The following COL24A1 variants were observed in gnomAD, a reference collection of about 807,000 sequenced individuals.
COL24A1 encodes the protein collagen alpha-1(XXIV) chain.
Under a neutral mutation model 253.9 loss-of-function variants are expected in COL24A1, and 224 were observed. The observed-to-expected ratio is 0.88, with a 90% confidence interval of 0.79 to 0.99. The LOEUF is 0.99. COL24A1 is among the 50% of genes least tolerant of loss of function. The pLI, the probability that COL24A1 is intolerant of heterozygous loss-of-function variation, is 0.00. For missense variants in COL24A1, 2,131 were observed against 2,068.5 expected (o/e 1.03, Z -0.59); for synonymous variants, 685 against 673.7 (o/e 1.02, Z -0.26).
At chr1:85,731,499 G>A (rs893679563) in intron 59 of COL24A1, among the ~76,000 whole-genome samples, 14 of 152,154 alleles carry the variant, frequency 9.2e-5, no homozygotes, top group African/African-American at 3.4e-4. Context: ...AAAGTCATAA[G>A]CTTGGTATGA....
At chr1:85,807,246 A>C (rs1672072192) in intron 47 of COL24A1, among the ~76,000 whole-genome samples, 1 of 152,244 alleles carries the variant, frequency 6.6e-6, no homozygotes, top group African/African-American at 2.4e-5. Context: ...TCAAAGGCCC[A>C]GGAAGATGAA....
At chr1:85,985,434 T>C (rs1693642945) in intron 20 of COL24A1, among the ~76,000 whole-genome samples, 1 of 151,772 alleles carries the variant, frequency 6.6e-6, no homozygotes, top group East Asian at 1.9e-4. Context: ...AAGAACGTTG[T>C]ATAAAAAGTT....
intron 24 of COL24A1, among the ~76,000 whole-genome samples, chr1:85,945,028 T>TTTTTTG (rs1689193877): frequency 8.2e-6 from 1 of 121,304 alleles, no homozygotes; most frequent in Non-Finnish European, 1.7e-5. Context: ...TTTTTTTTTT[T>TTTTTTG]TTTTTTTGAG....
chr1:85,807,915 C>A (rs1672148760), intron 47 of COL24A1, among the ~76,000 whole-genome samples: 1 of 152,178 alleles, frequency 6.6e-6, no homozygotes, highest in Non-Finnish European at 1.5e-5. Context: ...ACACTGTGGT[C>A]AGAGTGGAAG....
chr1:85,987,157 T>G (rs908124991), intron 20 of COL24A1, among the ~76,000 whole-genome samples: 2 of 151,850 alleles, frequency 1.3e-5, no homozygotes, highest in African/African-American at 4.8e-5. Context: ...AATTGTGGTT[T>G]CACTTGTAAG....
chr1:86,080,873 G>T (rs1302160027), intron 7 of COL24A1, among the ~76,000 whole-genome samples: 1 of 152,014 alleles, frequency 6.6e-6, no homozygotes, highest in African/African-American at 2.4e-5. Flanking sequence ...TTTATACACA[G>T]ATCCTCCTCA....
At position 85,868,790 on chromosome 1, in the gene COL24A1, C is replaced by A; in HGVS notation, c.3184G>T (p.Gly1062Trp). 6.3e-7 allele frequency: 1 copy of A among 1,579,180 alleles called. No individual in the cohort carries two copies. Among genetic ancestry groups the A allele is most frequent in the Non-Finnish European group, 8.6e-7 (1 of 1,161,356 alleles). Residue 1062 changes from glycine to tryptophan, a missense_variant, in exon 36 of 60, where the codon GGG becomes TGG. Coordinates refer to ENST00000370571, the MANE Select transcript of COL24A1 (RefSeq NM_152890.7). Reference sequence around the variant, plus strand: ...TTAAAAGTATAATTTACCTTTAACCCATCTTTTCCCTGGAGACCTTCTTCT... The same window carrying A: ...TTAAAAGTATAATTTACCTTTAACCAATCTTTTCCCTGGAGACCTTCTTCT... ...PGEEGLQGKD[G>W]LKGVPGGRGL...
At chr1:85,995,259 T>A (rs1303464801) in intron 19 of COL24A1, among the ~76,000 whole-genome samples, 1 of 152,112 alleles carries the variant, frequency 6.6e-6, no homozygotes, top group Non-Finnish European at 1.5e-5. Context: ...AAAAAAATTT[T>A]TTTTTTTTTA....
chr1:85,950,017 CCTT>C (rs1237854140), intron 24 of COL24A1, among the ~76,000 whole-genome samples: 1 of 152,078 alleles, frequency 6.6e-6, no homozygotes. Flanking sequence ...ATGCCTAAGG[CCTT>C]CTTACATTTT....
intron 46 of COL24A1, among the ~76,000 whole-genome samples, chr1:85,817,246 G>A (rs964254207): frequency 6.6e-6 from 1 of 152,102 alleles, no homozygotes; most frequent in Non-Finnish European, 1.5e-5. Flanking sequence ...TTAGGATAGA[G>A]GTTATCATTT....
At chr1:85,927,235 G>A (rs370196066) in intron 24 of COL24A1, among the ~76,000 whole-genome samples, 128 of 152,292 alleles carry the variant, frequency 8.4e-4, no homozygotes, top group African/African-American at 2.9e-3. Flanking sequence ...CACCGTGCGC[G>A]AGCCGAAGCA....
intron 31 of COL24A1, among the ~76,000 whole-genome samples, chr1:85,892,335 C>T (rs989982595): frequency 6.6e-6 from 1 of 151,930 alleles, no homozygotes; most frequent in Non-Finnish European, 1.5e-5. Context: ...AAAAAATCCC[C>T]CAAAAGACTC....
rs182152872 is a variant in COL24A1, at chr1:86,126,174, G to A, written c.162C>T (p.Asp54=). ...CAGTCGCTGGTGATGAGTGTCTTACGTCTTTGCCTCCAAGGCCTAGTTGAT... is the reference window on the plus strand; with the variant it reads ...CAGTCGCTGGTGATGAGTGTCTTACATCTTTGCCTCCAAGGCCTAGTTGAT... The part of the protein sequence containing the change: ...ILHQLGLGGK[D]VRHSSPATAV... Residue 54 remains aspartate, a synonymous_variant, in exon 3 of 60, where the codon GAC becomes GAT. Coordinates refer to ENST00000370571, the MANE Select transcript of COL24A1 (RefSeq NM_152890.7). The A allele has an allele frequency of 5.8e-4, 932 of 1,605,488 alleles. 4 individuals carry two copies. In the African/African-American group the frequency reaches 0.01, roughly 17 times the overall value.
At chr1:86,048,452 C>T (rs1700069235) in intron 11 of COL24A1, among the ~76,000 whole-genome samples, 4 of 152,004 alleles carry the variant, frequency 2.6e-5, no homozygotes, top group Admixed American at 2.6e-4. Flanking sequence ...GGCCCAATAT[C>T]ACAAACTGAT....
chr1:85,873,414 T>A (rs1169000838), intron 35 of COL24A1, among the ~76,000 whole-genome samples: 2 of 152,122 alleles, frequency 1.3e-5, no homozygotes, highest in Admixed American at 6.6e-5. Context: ...CACTATTCAC[T>A]ATAGCAAAGA....
chr1:86,108,864 TGA>T lies in COL24A1; in HGVS notation c.1599+3701_1599+3702del, dbSNP rs368545258. Among the ~76,000 whole-genome samples, 420 of 151,868 alleles carry T rather than the reference TGA, an allele frequency of 2.8e-3. 2 individuals are homozygous for T. The highest frequency in any genetic ancestry group is 9.6e-3 in the African/African-American group (399 of 41,440). On this transcript the variant is annotated intron_variant, in intron 5 of 59. Transcript: ENST00000370571. ...TAAATTGGTACTTGCCACTGCAGAT[TGA>T]GAGTTAAATTACAAGAGCCTAACTG...
chr1:85,912,662 C>A (rs1645674088), intron 24 of COL24A1, among the ~76,000 whole-genome samples: 1 of 152,090 alleles, frequency 6.6e-6, no homozygotes, highest in African/African-American at 2.4e-5. Context: ...TCTTCACAAC[C>A]AGCAGATATA....
rs535543909 is a variant in COL24A1, at chr1:85,846,453, G to A, written c.3462+1212C>T. Among the ~76,000 whole-genome samples, 10 of 151,744 alleles carry A rather than the reference G, an allele frequency of 6.6e-5. No homozygotes were observed. The South Asian group carries it at 1.0e-3, about 16-fold the overall frequency. ...GATATACAAAATTAAAAGATAAATT[G>A]CAGAAAGAAAAGCATTTGTAATATA... On this transcript the variant is annotated intron_variant, in intron 39 of 59. Coordinates refer to ENST00000370571, the MANE Select transcript of COL24A1 (RefSeq NM_152890.7).
intron 24 of COL24A1, among the ~76,000 whole-genome samples, chr1:85,946,003 G>C (rs1301455121): frequency 6.6e-6 from 1 of 152,068 alleles, no homozygotes; most frequent in Non-Finnish European, 1.5e-5. Context: ...ATTTGGATTT[G>C]GGGACAGTTC....
Sources: allele counts gnomAD v4.1 joint callset (sites outside exome capture counted in the v4.1 genomes callset), GRCh38; gene constraint gnomAD v4.1.1; transcripts MANE v1.5; gene names NCBI Gene and HGNC (gene_info 2026-07-23, HGNC 2026-07-21).